The following RUBCN variants were observed in gnomAD, a reference collection of about 807,000 sequenced individuals.
RUBCN encodes run domain Beclin-1-interacting and cysteine-rich domain-containing protein.
Under a neutral mutation model 113.2 loss-of-function variants are expected in RUBCN, and 74 were observed. The observed-to-expected ratio is 0.65, with a 90% CI of 0.54 to 0.79. The LOEUF (loss-of-function observed/expected upper bound fraction) is 0.79. RUBCN is among the 30% of genes least tolerant of loss of function. The pLI is 0.00. For synonymous variants in RUBCN, 480 were observed against 490.0 expected (o/e 0.98, Z 0.27); for missense variants, 1,109 against 1,251.7 (o/e 0.89, Z 1.72).
intron 1 of RUBCN, among the ~76,000 whole-genome samples, chr3:197,721,539 C>G (rs1726166392): frequency 6.6e-6 from 1 of 152,018 alleles, no homozygotes; most frequent in African/African-American, 2.4e-5. Context: ...TCTTCTGAAA[C>G]AAACAACTCT....
At chr3:197,729,070 C>G (rs904191210) in intron 1 of RUBCN, among the ~76,000 whole-genome samples, 1 of 147,312 alleles carries the variant, frequency 6.8e-6, no homozygotes, top group Admixed American at 6.8e-5. Flanking sequence ...GGCGTGAACC[C>G]GGGAGGCGGA....
chr3:197,705,587 A>G (rs935184612), intron 2 of RUBCN, among the ~76,000 whole-genome samples: 37 of 151,692 alleles, frequency 2.4e-4, no homozygotes, highest in African/African-American at 8.0e-4. Context: ...AAAAAAAAGA[A>G]AAGGAATTAA....
chr3:197,713,062 T>G (rs1449346660), intron 2 of RUBCN, among the ~76,000 whole-genome samples: 1 of 152,224 alleles, frequency 6.6e-6, no homozygotes, highest in East Asian at 1.9e-4. Context: ...TTTCACCATG[T>G]TGGTCAGGCT....
In RUBCN at chr3:197,683,686, C is replaced by G. The variant is rs1721520523; in HGVS notation, c.1848-247G>C. ...TGCTAATGAAGGACTCTGTCACTTCCTTTCTCTGAACTTCAGCTCCTCTAA... is the reference window on the plus strand; with the variant it reads ...TGCTAATGAAGGACTCTGTCACTTCGTTTCTCTGAACTTCAGCTCCTCTAA... On this transcript the variant is annotated intron_variant, in intron 12 of 19. Transcript: ENST00000296343. This position sits in a 1 kb window ranked among gnomAD's most constrained non-coding sequence, Gnocchi z 4.6. Among the ~76,000 whole-genome samples the G allele has an allele frequency of 6.6e-6, 1 of 152,198 alleles. No individual in the cohort carries two copies. Among genetic ancestry groups the G allele is most frequent in the African/African-American group, 2.4e-5 (1 of 41,438 alleles).
chr3:197,729,456 T>C (rs886739816), intron 1 of RUBCN, among the ~76,000 whole-genome samples: 4 of 152,120 alleles, frequency 2.6e-5, no homozygotes, highest in Non-Finnish European at 5.9e-5. Context: ...GGTTTCACCA[T>C]GTTGGCCAGG....
chr3:197,720,797 G>A (rs547214025), intron 1 of RUBCN, among the ~76,000 whole-genome samples: 22 of 152,196 alleles, frequency 1.4e-4, no homozygotes, highest in African/African-American at 5.3e-4. Context: ...TTGATACACC[G>A]ATTGTGTTTC....
At position 197,746,816 on chromosome 3, in the gene RUBCN, C is replaced by T. The variant is rs569079274; in HGVS notation, c.-116+2453G>A. ...GCGAAGCTGTGGAACTGCTGTACACCAACAAAGGCTGAATGCCCACGTCCA... is the reference window on the plus strand; with the variant it reads ...GCGAAGCTGTGGAACTGCTGTACACTAACAAAGGCTGAATGCCCACGTCCA... On this transcript the variant is annotated intron_variant, in intron 1 of 20. Coordinates refer to the RUBCN transcript ENST00000273582. Among the ~76,000 whole-genome samples, 33 of 152,246 alleles carry T rather than the reference C, an allele frequency of 2.2e-4. No individual in the cohort carries two copies. The East Asian group carries it at 6.2e-3, about 29-fold the overall frequency.
chr3:197,694,828 A>AC (rs1229177622), intron 9 of RUBCN, among the ~76,000 whole-genome samples: 2 of 152,138 alleles, frequency 1.3e-5, no homozygotes, highest in African/African-American at 2.4e-5. Context: ...TATGATAGAG[A>AC]AGAGGCCCAG....
chr3:197,677,524 C>A lies in RUBCN; in HGVS notation c.2448G>T (p.Leu816=). The change falls in exon 17 of 20, where the codon CTG becomes CTT. Residue 816 remains leucine (L), a synonymous_variant. Transcript: ENST00000296343. The stretch of plus-strand genomic sequence containing the variant: ...TCTTGAACATGTTCTTCATGTGACA[C>A]AGCTGGACCCGCAGCAGCTGAAAAG... ...LNQVRLLRVQ[L]CHMKNMFKTC... The A allele has an allele frequency of 1.2e-6, 2 of 1,614,136 alleles. No homozygotes were observed. Among genetic ancestry groups the A allele is most frequent in the Non-Finnish European group, 1.7e-6 (2 of 1,180,034 alleles).
intron 18 of RUBCN, 154 bp downstream of exon 18, chr3:197,676,731 G>A: frequency 6.6e-7 from 1 of 1,507,266 alleles, no homozygotes; most frequent in Admixed American, 2.1e-5. Context: ...CTGCTCTCCA[G>A]GCTAAGGAAC....
intron 5 of RUBCN, 125 bp from the exon 6 acceptor site, chr3:197,701,989 A>G: frequency 1.2e-6 from 1 of 825,858 alleles, no homozygotes; most frequent in South Asian, 1.4e-5. Flanking sequence ...GACTTTAGCC[A>G]GAGCCTGTAG....
chr3:197,724,767 G>A (rs1001777956), intron 1 of RUBCN, among the ~76,000 whole-genome samples: 2 of 152,176 alleles, frequency 1.3e-5, no homozygotes, highest in Admixed American at 6.6e-5. Flanking sequence ...TTAGATTTAC[G>A]ATCTCAACAT....
chr3:197,731,585 C>A (rs1230375893), intron 1 of RUBCN, among the ~76,000 whole-genome samples: 1 of 151,310 alleles, frequency 6.6e-6, no homozygotes, highest in Non-Finnish European at 1.5e-5. Context: ...GCAGAGGCGC[C>A]CCTCACCTCC....
rs1721522028 is a variant in RUBCN at position 197,683,712 on chromosome 3, C to T, written c.1848-273G>A. On this transcript the variant is annotated intron_variant, in intron 12 of 19. Coordinates refer to ENST00000296343, the MANE Select transcript of RUBCN (RefSeq NM_014687.4). The surrounding 1 kb of genome is among the most constrained non-coding windows in gnomAD (Gnocchi z 4.6). ...TTTCTCTGAACTTCAGCTCCTCTAA[C>T]AGCAAAATGGAGATTATAATGCCTG... 6.6e-6 allele frequency among the ~76,000 whole-genome samples: 1 copy of T among 152,142 alleles called. No homozygotes were observed. Among genetic ancestry groups the T allele is most frequent in the Non-Finnish European group, 1.5e-5 (1 of 68,032 alleles).
chr3:197,700,531 C>T (rs2108902119), intron 7 of RUBCN, 82 bp downstream of exon 7: 4 of 1,370,176 alleles, frequency 2.9e-6, no homozygotes, highest in Non-Finnish European at 4.2e-6. Context: ...CTTTCTGCCA[C>T]CTGAAAAGTC....
At chr3:197,678,961 C>T (rs1386915964) in intron 16 of RUBCN, among the ~76,000 whole-genome samples, 7 of 150,874 alleles carry the variant, frequency 4.6e-5, no homozygotes, top group Non-Finnish European at 1.0e-4. Flanking sequence ...CTGTCGTATG[C>T]TCTAACTGAC....
In RUBCN at chr3:197,669,759, G is replaced by A. The variant is rs1455439408; in HGVS notation, c.*5259C>T. Among the ~76,000 whole-genome samples, 2 of 152,176 alleles carry A rather than the reference G, an allele frequency of 1.3e-5. No homozygotes were observed. The highest frequency in any genetic ancestry group is 2.9e-5 in the Non-Finnish European group (2 of 68,024). ...TACGTATTTTGTTTAGAATTCTTCT[G>A]TGAGAATTTATTTATTTGGTCATTT... On this transcript the variant is annotated 3_prime_UTR_variant, in exon 20 of 20. Coordinates refer to ENST00000296343, the MANE Select transcript of RUBCN (RefSeq NM_014687.4).
At chr3:197,724,249 C>A (rs1408102772) in intron 1 of RUBCN, among the ~76,000 whole-genome samples, 1 of 152,016 alleles carries the variant, frequency 6.6e-6, no homozygotes, top group Non-Finnish European at 1.5e-5. Flanking sequence ...TTAAGCTCAC[C>A]ATGTTATAAT....
At chr3:197,676,274 G>T in intron 18 of RUBCN, 1 of 992,160 alleles carries the variant, frequency 1.0e-6, no homozygotes, top group South Asian at 4.5e-5. Context: ...TGACGGCCGA[G>T]GGTAGACTCC....
Sources: allele counts gnomAD v4.1 joint callset (sites outside exome capture counted in the v4.1 genomes callset), GRCh38; gene constraint gnomAD v4.1.1; non-coding constraint Gnocchi (gnomAD v3.1); transcripts MANE v1.5; gene names NCBI Gene and HGNC (gene_info 2026-07-23, HGNC 2026-07-21).